Variants in IFNG observed in about 807,000 individuals in gnomAD.
The protein encoded by IFNG is IFN-gamma.
IFNG carries 8 observed loss-of-function variants against 14.4 expected under a neutral mutation model. That is an observed-to-expected ratio of 0.56 (90% CI 0.33 to 1.00). The LOEUF (loss-of-function observed/expected upper bound fraction) is 1.00, where lower values mean the gene tolerates loss of function less well. IFNG is among the 50% of genes least tolerant of loss of function. The probability of loss-of-function intolerance (pLI) is 0.03; values close to 1 mark genes in which losing one functional copy is unlikely to be tolerated. For missense variants in IFNG, 132 were observed against 194.9 expected (o/e 0.68, Z 1.92); for synonymous variants, 73 against 65.4 (o/e 1.12, Z -0.56).
chr12:68,156,638 TC>T (rs1882605363), intron 3 of IFNG, among the ~76,000 whole-genome samples: 1 of 152,160 alleles, frequency 6.6e-6, no homozygotes, highest in African/African-American at 2.4e-5. Flanking sequence ...AGATTTTTTT[TC>T]ATTTTTTTAA....
chr12:68,159,341 ATTAT>A (rs1882651306), intron 1 of IFNG, among the ~76,000 whole-genome samples, 157 bp downstream of exon 1: 1 of 152,218 alleles, frequency 6.6e-6, no homozygotes, highest in Non-Finnish European at 1.5e-5. Flanking sequence ...CAATATCTAG[ATTAT>A]TTAGTCAAGG....
At chr12:68,156,262 T>C (rs979160840) in intron 3 of IFNG, among the ~76,000 whole-genome samples, 1 of 152,258 alleles carries the variant, frequency 6.6e-6, no homozygotes, top group Non-Finnish European at 1.5e-5. Flanking sequence ...TACTGATATA[T>C]AAAGTTTAAA....
Position 68,158,262 on chromosome 12 carries a change from A to T in IFNG, c.115-3T>A, listed in dbSNP as rs1592878013. 4.8e-5 allele frequency: 1 copy of T among 20,852 alleles called. No individual in the cohort carries two copies. The allele number at this position is 20,852 out of a possible 1,614,324, so 1.3% of individuals were successfully genotyped here. A position where few individuals can be genotyped will look rare whatever the true frequency, so the allele number is the denominator to read the frequency against. ...GCTACATCTGAATGACCTGCATTCT[A>T]AAAAAAAAAAAAGAAAAAATTGGTT... On this transcript the variant is annotated splice_region_variant and splice_polypyrimidine_tract_variant and intron_variant, in intron 1 of 3. Coordinates refer to ENST00000229135, the MANE Select transcript of IFNG (RefSeq NM_000619.3).
rs121913163 is a variant in IFNG at position 68,158,415 on chromosome 12, T to C, written c.115-156A>G. Among the ~76,000 whole-genome samples, 58 of 152,338 alleles carry C rather than the reference T, an allele frequency of 3.8e-4. No individual in the cohort carries two copies. Among genetic ancestry groups the C allele is most frequent in the Admixed American group, 1.5e-3 (23 of 15,306 alleles). ...TAACAATAAGTATTCCCAAAAGGCT[T>C]ATGTGAGATATAGACAAAGACTATT... On this transcript the variant is annotated intron_variant, in intron 1 of 3. Transcript: ENST00000229135.
rs555933584 is a variant in IFNG, at chr12:68,159,673, A to C, written c.-58T>G. 2 of 865,972 alleles carry C rather than the reference A, an allele frequency of 2.3e-6. No homozygotes were observed. The highest frequency in any genetic ancestry group is 2.9e-5 in the South Asian group (2 of 69,198). 53.6% of individuals were successfully genotyped at this position (865,972 alleles called of 1,614,324 possible). A position where few individuals can be genotyped will look rare whatever the true frequency, so the allele number is the denominator to read the frequency against. ...AATCAGTAGTTCTTGTATCAAGCTG[A>C]TCAGGTCCAAAGGACTTAACTGATC... On this transcript the variant is annotated 5_prime_UTR_variant, in exon 1 of 4. Transcript: ENST00000229135.
intron 3 of IFNG, 72 bp downstream of exon 3, chr12:68,157,841 T>C: frequency 4.5e-6 from 5 of 1,102,358 alleles, no homozygotes; most frequent in Non-Finnish European, 6.6e-6. Flanking sequence ...AGCTAATGTC[T>C]ACTTTCTGGA....
intron 3 of IFNG, among the ~76,000 whole-genome samples, chr12:68,156,994 C>T (rs774268044): frequency 1.8e-4 from 28 of 152,054 alleles, no homozygotes; most frequent in Non-Finnish European, 2.9e-4. Flanking sequence ...TCAAAGTCAA[C>T]CCCAAAGGAA....
chr12:68,157,816 T>C (rs1377031209), intron 3 of IFNG, 97 bp downstream of exon 3: 1 of 887,698 alleles, frequency 1.1e-6, no homozygotes, highest in African/African-American at 1.7e-5. Flanking sequence ...TTCATAGCTT[T>C]AGCAACTGTT....
intron 3 of IFNG, 39 bp downstream of exon 3, chr12:68,157,874 T>G: frequency 6.9e-7 from 1 of 1,453,210 alleles, no homozygotes; most frequent in Non-Finnish European, 9.5e-7. Context: ...TGCAAGACCC[T>G]CGGCAATGAA....
At chr12:68,156,751 G>C (rs772531769) in intron 3 of IFNG, among the ~76,000 whole-genome samples, 49 of 152,216 alleles carry the variant, frequency 3.2e-4, no homozygotes, top group Non-Finnish European at 5.3e-4. Context: ...GAAACTAAGA[G>C]ACTTATCCAG....
In IFNG at chr12:68,155,393, CT is replaced by C. The variant is rs2120738643; in HGVS notation, c.460del (p.Arg154GlyfsTer22). On this transcript the variant is annotated frameshift_variant, in exon 4 of 4. Coordinates refer to ENST00000229135, the MANE Select transcript of IFNG (RefSeq NM_000619.3). LOFTEE classifies it high-confidence loss of function. ...SPAAKTGKRK[R>X]SQMLFRGRRA... Reference sequence around the variant, plus strand: ...TCGACCTCGAAACAGCATCTGACTCCTTTTTCGCTTCCCTGTTTTAGCTGCT... The same window carrying C: ...TCGACCTCGAAACAGCATCTGACTCCTTTTCGCTTCCCTGTTTTAGCTGCT... The C allele has an allele frequency of 1.2e-6, 2 of 1,611,838 alleles. No homozygotes were observed. The highest frequency in any genetic ancestry group is 1.1e-5 in the South Asian group (1 of 90,850).
At chr12:68,157,436 G>T (rs1166169433) in intron 3 of IFNG, among the ~76,000 whole-genome samples, 3 of 152,160 alleles carry the variant, frequency 2.0e-5, no homozygotes, top group African/African-American at 7.2e-5. Flanking sequence ...TTCCTTTTAA[G>T]ATGAGGAAAC....
In IFNG at chr12:68,158,236, C is replaced by G; in HGVS notation, c.138G>C (p.Ala46=). ...KYFNAGHSDV[A]DNGTLFLGIL... Reference sequence around the variant, plus strand: ...TGCCTAAGAAAAGAGTTCCATTATCCGCTACATCTGAATGACCTGCATTCT... The same window carrying G: ...TGCCTAAGAAAAGAGTTCCATTATCGGCTACATCTGAATGACCTGCATTCT... Residue 46 remains alanine (A), a synonymous_variant, in exon 2 of 4, where the codon GCG becomes GCC. Transcript: ENST00000229135. The G allele has an allele frequency of 1.2e-6, 2 of 1,606,192 alleles. No individual in the cohort carries two copies. Among genetic ancestry groups the G allele is most frequent in the Non-Finnish European group, 1.7e-6 (2 of 1,177,328 alleles).
In IFNG at chr12:68,158,241, C is replaced by T. The variant is rs1461185598; in HGVS notation, c.133G>A (p.Val45Ile). ...KKYFNAGHSD[V>I]ADNGTLFLGI... is the part of the protein sequence containing the mutation. Reference sequence around the variant, plus strand: ...AAGAAAAGAGTTCCATTATCCGCTACATCTGAATGACCTGCATTCTAAAAA... The same window carrying T: ...AAGAAAAGAGTTCCATTATCCGCTATATCTGAATGACCTGCATTCTAAAAA... The change falls in exon 2 of 4, where the codon GTA becomes ATA. Residue 45 changes from valine to isoleucine, a missense_variant. Transcript: ENST00000229135. The T allele has an allele frequency of 6.3e-7, 1 of 1,597,944 alleles. No homozygotes were observed. Among genetic ancestry groups the T allele is most frequent in the Non-Finnish European group, 8.5e-7 (1 of 1,172,976 alleles).
intron 1 of IFNG, 58 bp downstream of exon 1, chr12:68,159,444 A>C (rs1882653169): frequency 1.3e-6 from 1 of 784,768 alleles, no homozygotes. Flanking sequence ...ATGCTACAGC[A>C]AGTCGATATT....
chr12:68,157,264 G>T (rs2069714), intron 3 of IFNG, among the ~76,000 whole-genome samples: 2,432 of 152,214 alleles, frequency 0.016, 74 homozygotes, highest in African/African-American at 0.054. Flanking sequence ...TTCTAATTGG[G>T]CAGTACAATC....
chr12:68,156,469 G>A (rs955106970), intron 3 of IFNG, among the ~76,000 whole-genome samples: 1 of 152,112 alleles, frequency 6.6e-6, no homozygotes, highest in African/African-American at 2.4e-5. Context: ...CATTTCTGAG[G>A]ATGGCTGGGG....
chr12:68,155,222 T>A lies in IFNG; in HGVS notation c.*131A>T. ...ATATATTAATAGATATTCATTTTCA[T>A]TACACAAAAGTTGCTATTATAAATA... On this transcript the variant is annotated 3_prime_UTR_variant, in exon 4 of 4. Coordinates refer to ENST00000229135, the MANE Select transcript of IFNG (RefSeq NM_000619.3). 3.8e-6 allele frequency: 2 copies of A among 530,502 alleles called. No individual in the cohort carries two copies. The highest frequency in any genetic ancestry group is 6.2e-6 in the Non-Finnish European group (2 of 320,230). The allele number at this position is 530,502 out of a possible 1,614,324, so 32.9% of individuals were successfully genotyped here.
At chr12:68,157,238 C>G (rs1240384167) in intron 3 of IFNG, among the ~76,000 whole-genome samples, 1 of 152,190 alleles carries the variant, frequency 6.6e-6, no homozygotes, top group Non-Finnish European at 1.5e-5. Flanking sequence ...AACAAACAAA[C>G]AGCAACCATT....
Sources: gnomAD v4.1 joint callset for allele counts (sites outside exome capture counted in the v4.1 genomes callset) on GRCh38, gnomAD v4.1.1 for gene constraint, MANE v1.5 for transcripts, NCBI Gene and HGNC (gene_info 2026-07-23, HGNC 2026-07-21) for gene names.